The following RCHY1 variants were observed in gnomAD, a reference collection of about 807,000 sequenced individuals.
RCHY1 encodes RING finger and CHY zinc finger domain-containing protein 1.
RCHY1 carries 21 observed loss-of-function variants against 41.6 expected under a neutral mutation model. The observed-to-expected ratio is 0.51, with a 90% CI of 0.36 to 0.73. The LOEUF (loss-of-function observed/expected upper bound fraction) is 0.73, where lower values mean the gene tolerates loss of function less well. Among genes scored for constraint, RCHY1 ranks in the 30% least tolerant of loss-of-function variants. The pLI is 0.00. For synonymous variants in RCHY1, 79 were observed against 102.9 expected, an observed-to-expected ratio of 0.77 and a Z score of 1.41; for missense variants, 265 against 325.3, an observed-to-expected ratio of 0.81 and a Z score of 1.43.
intron 8 of RCHY1, among the ~76,000 whole-genome samples, chr4:75,486,832 A>G (rs187909080): frequency 6.6e-6 from 1 of 152,252 alleles, no homozygotes; most frequent in East Asian, 1.9e-4. Context: ...TACAAAAATT[A>G]GCCAGGCGTA....
chr4:75,491,225 C>T, intron 7 of RCHY1: 1 of 169,524 alleles, frequency 5.9e-6, no homozygotes, highest in Non-Finnish European at 1.2e-5. Context: ...CTTTAATGAT[C>T]ACTTCACCTA....
intron 3 of RCHY1, among the ~76,000 whole-genome samples, chr4:75,495,813 T>C (rs1416949001): frequency 6.6e-6 from 1 of 152,088 alleles, no homozygotes; most frequent in African/African-American, 2.4e-5. Context: ...GGTTTCCGAA[T>C]GGATAATCAA....
intron 7 of RCHY1, chr4:75,491,124 T>C (rs1722709269): frequency 1.3e-5 from 2 of 159,482 alleles, no homozygotes; most frequent in African/African-American, 4.8e-5. Flanking sequence ...CTTCACATTT[T>C]TGCTCATCAA....
chr4:75,496,090 C>T (rs905773366), intron 3 of RCHY1, among the ~76,000 whole-genome samples: 3 of 152,052 alleles, frequency 2.0e-5, no homozygotes, highest in Non-Finnish European at 2.9e-5. Context: ...TGTCAAACTC[C>T]ATAAGTAAAA....
At chr4:75,490,786 A>G in intron 7 of RCHY1, 85 bp from the exon 8 acceptor site, 9 of 978,038 alleles carry the variant, frequency 9.2e-6, no homozygotes, top group Non-Finnish European at 1.4e-5. Flanking sequence ...GCTAACTGCC[A>G]CATGAACCAT....
At chr4:75,509,878 T>G (rs1724707644) in intron 1 of RCHY1, 1 of 157,482 alleles carries the variant, frequency 6.3e-6, no homozygotes, top group Non-Finnish European at 1.4e-5. Context: ...CAATTAAACC[T>G]CTTTTTCTTC....
In RCHY1 at chr4:75,494,134, T is replaced by A; in HGVS notation, c.372A>T (p.Leu124Phe). ...EDFFHCLKCN[L>F]CLAMNLQGRH... Reference sequence around the variant, plus strand: ...TTCCTTGAAGATTCATAGCTAGGCATAAGTTACATTTCAAACAATGGAAAA... The same window carrying A: ...TTCCTTGAAGATTCATAGCTAGGCAAAAGTTACATTTCAAACAATGGAAAA... The change falls in exon 4 of 9, where the codon TTA becomes TTT. Residue 124 changes from leucine (L) to phenylalanine (F), a missense_variant. Leu to Phe is a conservative substitution (Grantham distance 22). Transcript: ENST00000324439. 1.3e-6 allele frequency: 2 copies of A among 1,565,564 alleles called. No homozygotes were observed. The highest frequency in any genetic ancestry group is 1.7e-6 in the Non-Finnish European group (2 of 1,162,186).
upstream of RCHY1, chr4:75,514,423 C>G (rs182807912): frequency 1.7e-3 from 1,609 of 968,856 alleles, 23 homozygotes; most frequent in African/African-American, 0.024. Context: ...GCACGTGACC[C>G]GGGGCAGACG....
At chr4:75,508,347 T>G (rs1449691449) in intron 3 of RCHY1, among the ~76,000 whole-genome samples, 1 of 152,144 alleles carries the variant, frequency 6.6e-6, no homozygotes, top group African/African-American at 2.4e-5. Flanking sequence ...TACACCGACA[T>G]GTCAACAGTA....
At chr4:75,507,928 G>A (rs1297009483) in intron 3 of RCHY1, among the ~76,000 whole-genome samples, 1 of 152,062 alleles carries the variant, frequency 6.6e-6, no homozygotes, top group African/African-American at 2.4e-5. Flanking sequence ...TTTGGAGGGG[G>A]CACACAGGAA....
Position 75,482,493 on chromosome 4 carries a change from T to C in RCHY1, c.*45A>G. The C allele has an allele frequency of 6.5e-7, 1 of 1,537,444 alleles. No individual in the cohort carries two copies. The highest frequency in any genetic ancestry group is 8.8e-7 in the Non-Finnish European group (1 of 1,140,892). On this transcript the variant is annotated 3_prime_UTR_variant, in exon 9 of 9. Transcript: ENST00000324439. ...TAACACGATACCAAGGAAAGCCTTTTTCTATATCAGAAAATGCCAAGTTCT... is the reference window on the plus strand; with the variant it reads ...TAACACGATACCAAGGAAAGCCTTTCTCTATATCAGAAAATGCCAAGTTCT...
intron 3 of RCHY1, among the ~76,000 whole-genome samples, chr4:75,506,404 A>G (rs1177534109): frequency 6.6e-6 from 1 of 152,038 alleles, no homozygotes; most frequent in African/African-American, 2.4e-5. Flanking sequence ...GTTATTAGGC[A>G]CAGTCCTTTA....
At chr4:75,484,941 G>A (rs891424876) in intron 8 of RCHY1, among the ~76,000 whole-genome samples, 10 of 151,918 alleles carry the variant, frequency 6.6e-5, no homozygotes, top group African/African-American at 2.4e-4. Context: ...CCTATTGAGT[G>A]AAGCTTCTAA....
intron 8 of RCHY1, among the ~76,000 whole-genome samples, chr4:75,484,200 G>A (rs1721790388): frequency 6.6e-6 from 1 of 152,114 alleles, no homozygotes; most frequent in African/African-American, 2.4e-5. Flanking sequence ...AGCACCAAGG[G>A]GACCCAGTAA....
At chr4:75,500,441 G>A (rs554123744) in intron 3 of RCHY1, among the ~76,000 whole-genome samples, 11 of 152,248 alleles carry the variant, frequency 7.2e-5, no homozygotes, top group East Asian at 1.9e-4. Flanking sequence ...ATGTTTGCCC[G>A]TATTTACCGA....
chr4:75,514,025 C>T, intron 1 of RCHY1, 172 bp downstream of exon 1: 1 of 986,188 alleles, frequency 1.0e-6, no homozygotes. Flanking sequence ...AAAGGTGGGG[C>T]TTATCGCCTT....
chr4:75,501,961 C>T (rs1314004618), intron 3 of RCHY1, among the ~76,000 whole-genome samples: 3 of 151,986 alleles, frequency 2.0e-5, no homozygotes, highest in African/African-American at 7.3e-5. Context: ...GCCTGTAATG[C>T]CAGCTACTCG....
At chr4:75,501,416 T>G (rs1723747241) in intron 3 of RCHY1, among the ~76,000 whole-genome samples, 2 of 152,250 alleles carry the variant, frequency 1.3e-5, no homozygotes, top group South Asian at 4.1e-4. Flanking sequence ...TTCCAATATC[T>G]TTTGGCAGAT....
Position 75,514,384 on chromosome 4 carries a change from G to C in RCHY1, c.-98C>G. On this transcript the variant is annotated 5_prime_UTR_variant, in exon 1 of 9. Coordinates refer to ENST00000324439, the MANE Select transcript of RCHY1 (RefSeq NM_015436.4). ...CTCTAGCACACCCCTCCCAGCCCCA[G>C]CGGCCACTAGCGACAATATGGCTCC... 5 of 1,338,082 alleles carry C rather than the reference G, an allele frequency of 3.7e-6. No individual in the cohort carries two copies. The highest frequency in any genetic ancestry group is 5.0e-6 in the Non-Finnish European group (5 of 991,664). 82.9% of individuals were successfully genotyped at this position (1,338,082 alleles called of 1,614,324 possible). A position where few individuals can be genotyped will look rare whatever the true frequency, so the allele number is the denominator to read the frequency against.
Sources: gnomAD v4.1 joint callset for allele counts (sites outside exome capture counted in the v4.1 genomes callset) on GRCh38, gnomAD v4.1.1 for gene constraint, MANE v1.5 for transcripts, NCBI Gene and HGNC (gene_info 2026-07-23, HGNC 2026-07-21) for gene names.